The following OLA1 variants were observed in gnomAD, a reference collection of about 807,000 sequenced individuals.
The protein encoded by OLA1 is Obg like ATPase 1.
A neutral mutation model predicts 48.4 loss-of-function variants in OLA1; 14 were observed. The ratio of observed to expected loss-of-function variants is 0.29; its 90% CI spans 0.19 to 0.45. The LOEUF is 0.45. OLA1 is among the 20% of genes least tolerant of loss of function. OLA1 has a pLI of 1.00. For synonymous variants in OLA1, 127 were observed against 150.4 expected (o/e 0.84, Z 1.14); for missense variants, 325 against 467.1 (o/e 0.70, Z 2.80).
rs911850521 is a variant in OLA1 at position 174,225,966 on chromosome 2, G to A, written c.246-2806C>T. On this transcript the variant is annotated intron_variant, in intron 3 of 10. Coordinates refer to ENST00000284719, the MANE Select transcript of OLA1 (RefSeq NM_013341.5). ...TCCCAGCACTTTGGGAGGCCGAGGC[G>A]GGCGGATCACGAGGTCAAGAGATCG... 7.4e-5 allele frequency among the ~76,000 whole-genome samples: 3 copies of A among 40,586 alleles called. 1 individual carries two copies. The highest frequency in any genetic ancestry group is 1.6e-4 in the Non-Finnish European group (3 of 19,102). The allele number at this position is 40,586 out of a possible 152,430, so 26.6% of individuals were successfully genotyped here. A position where few individuals can be genotyped will look rare whatever the true frequency, so the allele number is the denominator to read the frequency against.
intron 4 of OLA1, among the ~76,000 whole-genome samples, chr2:174,168,872 A>C (rs1687232216): frequency 6.6e-6 from 1 of 151,584 alleles, no homozygotes; most frequent in African/African-American, 2.4e-5. Context: ...AATCAACAGA[A>C]ACTAATCTGA....
At chr2:174,123,560 AG>A in intron 6 of OLA1, 34 bp downstream of exon 6, 1 of 1,234,618 alleles carries the variant, frequency 8.1e-7, no homozygotes, top group Non-Finnish European at 1.2e-6. Context: ...ATGAAAGCAA[AG>A]GCAGTAATAG....
rs984722795 is a variant in OLA1 at position 174,081,939 on chromosome 2, G to A, written c.854C>T (p.Ala285Val). The change falls in exon 8 of 11, where the codon GCG becomes GTG. Residue 285 changes from alanine (A) to valine (V), a missense_variant. Transcript: ENST00000284719. ...GCTAATTAACCTTTGTGTCATGTTC[G>A]CTTCCAGATACTTCTGTCTCTCCTC... ...SAEERQKYLEANMTQSALPKI... is the reference protein window; with the variant it reads ...SAEERQKYLEVNMTQSALPKI... 6.8e-6 allele frequency: 11 copies of A among 1,611,644 alleles called. No individual in the cohort carries two copies. Among genetic ancestry groups the A allele is most frequent in the East Asian group, 4.5e-5 (2 of 44,848 alleles).
intron 5 of OLA1, among the ~76,000 whole-genome samples, chr2:174,132,462 T>C (rs554564913): frequency 1.3e-5 from 2 of 152,178 alleles, no homozygotes; most frequent in African/African-American, 4.8e-5. Context: ...CACCTTTCCT[T>C]ATTTTGAGAC....
At chr2:174,085,605 T>A (rs1488040727) in intron 7 of OLA1, among the ~76,000 whole-genome samples, 2 of 152,212 alleles carry the variant, frequency 1.3e-5, no homozygotes, top group Non-Finnish European at 2.9e-5. Context: ...CCATTAGTAT[T>A]AAATTAATAT....
Position 174,197,362 on chromosome 2 carries a change from C to T in OLA1, c.373+25671G>A, listed in dbSNP as rs901224313. On this transcript the variant is annotated intron_variant, in intron 4 of 10. Coordinates refer to ENST00000284719, the MANE Select transcript of OLA1 (RefSeq NM_013341.5). Reference sequence around the variant, plus strand: ...GAATGATTAGCATTCCCCCCTACTACCACCACCTAAGGATTTAACCTTTTA... The same window carrying T: ...GAATGATTAGCATTCCCCCCTACTATCACCACCTAAGGATTTAACCTTTTA... Among the ~76,000 whole-genome samples the T allele has an allele frequency of 6.6e-5, 10 of 152,144 alleles. No individual in the cohort carries two copies. The South Asian group carries it at 1.9e-3, about 28-fold the overall frequency.
chr2:174,113,150 G>A (rs752424979), intron 7 of OLA1, among the ~76,000 whole-genome samples: 15 of 151,952 alleles, frequency 9.9e-5, no homozygotes, highest in Non-Finnish European at 2.2e-4. Flanking sequence ...TCACCATGTC[G>A]GTCAGGTTGA....
At chr2:174,129,067 T>G (rs1417572844) in intron 5 of OLA1, among the ~76,000 whole-genome samples, 1 of 152,180 alleles carries the variant, frequency 6.6e-6, no homozygotes, top group African/African-American at 2.4e-5. Context: ...TGAAACTGTA[T>G]AACTCCAATA....
At chr2:174,181,035 T>C (rs1687520697) in intron 4 of OLA1, among the ~76,000 whole-genome samples, 1 of 152,176 alleles carries the variant, frequency 6.6e-6, no homozygotes, top group Admixed American at 6.5e-5. Flanking sequence ...AGGAGGCTGG[T>C]AGCATCATTC....
intron 7 of OLA1, among the ~76,000 whole-genome samples, chr2:174,098,694 T>C (rs1685315363): frequency 6.6e-6 from 1 of 152,108 alleles, no homozygotes; most frequent in African/African-American, 2.4e-5. Context: ...TAAATGGAGG[T>C]AATAATAGTA....
At chr2:174,219,553 G>A (rs1280185468) in intron 4 of OLA1, among the ~76,000 whole-genome samples, 20 of 148,026 alleles carry the variant, frequency 1.4e-4, no homozygotes, top group East Asian at 4.1e-4. Context: ...ATCCAGCCTC[G>A]AGTAGCTGAG....
intron 2 of OLA1, among the ~76,000 whole-genome samples, chr2:174,232,046 T>C (rs764252048): frequency 2.0e-5 from 3 of 152,166 alleles, no homozygotes; most frequent in Non-Finnish European, 4.4e-5. Flanking sequence ...GTTGTAGGAA[T>C]TTCTCTCATG....
chr2:174,223,992 G>A (rs1688562603), intron 3 of OLA1, among the ~76,000 whole-genome samples: 1 of 152,126 alleles, frequency 6.6e-6, no homozygotes, highest in Non-Finnish European at 1.5e-5. Context: ...TACTTTTAAT[G>A]TCATATGACA....
intron 4 of OLA1, among the ~76,000 whole-genome samples, chr2:174,182,481 GT>G (rs1558993170): frequency 6.6e-6 from 1 of 151,972 alleles, no homozygotes; most frequent in African/African-American, 2.4e-5. Context: ...AGCCGAGATC[GT>G]GCCATTGCAA....
At position 174,192,356 on chromosome 2, in the gene OLA1, T is replaced by C. The variant is rs890785754; in HGVS notation, c.373+30677A>G. Among the ~76,000 whole-genome samples the C allele has an allele frequency of 2.6e-5, 4 of 152,194 alleles. No individual in the cohort carries two copies. The South Asian group carries it at 8.3e-4, about 32-fold the overall frequency. On this transcript the variant is annotated intron_variant, in intron 4 of 10. Coordinates refer to ENST00000284719, the MANE Select transcript of OLA1 (RefSeq NM_013341.5). ...TAAAATGCTCCTACAAGCATTTCCT[T>C]TGAGCGTCATGTCAGCCCTCAAAAA...
chr2:174,220,799 G>T (rs889976186), intron 4 of OLA1, among the ~76,000 whole-genome samples: 1 of 152,106 alleles, frequency 6.6e-6, no homozygotes, highest in East Asian at 1.9e-4. Flanking sequence ...TTAATGGAGA[G>T]AAACATGATA....
In OLA1 at chr2:174,075,545, A is replaced by G. The variant is rs1684718056; in HGVS notation, c.1090-18T>C. ...CCAGCAGCCTGCAAACAGAAAATAT[A>G]GAGGAAATGGGTTATTAGTTTACAA... On this transcript the variant is annotated intron_variant, in intron 10 of 10. Coordinates refer to ENST00000284719, the MANE Select transcript of OLA1 (RefSeq NM_013341.5). 18 of 1,486,972 alleles carry G rather than the reference A, an allele frequency of 1.2e-5. No homozygotes were observed. The highest frequency in any genetic ancestry group is 1.5e-5 in the Non-Finnish European group (16 of 1,066,088). 92.1% of individuals were successfully genotyped at this position (1,486,972 alleles called of 1,614,324 possible). A position where few individuals can be genotyped will look rare whatever the true frequency, so the allele number is the denominator to read the frequency against.
At chr2:174,213,949 T>A (rs1299109762) in intron 4 of OLA1, among the ~76,000 whole-genome samples, 1 of 151,714 alleles carries the variant, frequency 6.6e-6, no homozygotes, top group Non-Finnish European at 1.5e-5. Flanking sequence ...TATATTACCA[T>A]AATTTTTTTA....
At chr2:174,236,606 T>C (rs373971370) in intron 2 of OLA1, among the ~76,000 whole-genome samples, 21 of 152,158 alleles carry the variant, frequency 1.4e-4, no homozygotes, top group African/African-American at 4.8e-4. Flanking sequence ...TTCTGAGAAA[T>C]GGGTCCTTAG....
Sources: gnomAD v4.1 joint callset for allele counts (sites outside exome capture counted in the v4.1 genomes callset) on GRCh38, gnomAD v4.1.1 for gene constraint, MANE v1.5 for transcripts, NCBI Gene and HGNC (gene_info 2026-07-23, HGNC 2026-07-21) for gene names.